TRIM44: variants seen among roughly 807,000 people sequenced by gnomAD.
TRIM44 encodes tripartite motif-containing protein 44.
In TRIM44, 13 loss-of-function variants were observed where a neutral mutation model predicts 37.4. That is an observed-to-expected ratio of 0.35 (90% confidence interval 0.23 to 0.55). The LOEUF (loss-of-function observed/expected upper bound fraction) is 0.55, where lower values mean the gene tolerates loss of function less well. TRIM44 is among the 20% of genes least tolerant of loss of function. The probability of loss-of-function intolerance (pLI) is 0.89; values close to 1 mark genes in which losing one functional copy is unlikely to be tolerated. For missense variants in TRIM44, 426 were observed against 437.2 expected, an observed-to-expected ratio of 0.97 and a Z score of 0.23; for synonymous variants, 175 against 157.2, an observed-to-expected ratio of 1.11 and a Z score of -0.85.
At chr11:35,790,109 C>T (rs902508500) in intron 4 of TRIM44, among the ~76,000 whole-genome samples, 2 of 152,060 alleles carry the variant, frequency 1.3e-5, no homozygotes, top group African/African-American at 4.8e-5. Context: ...TAGTCCTGAC[C>T]CTTTAAAGAT....
At position 35,788,340 on chromosome 11, in the gene TRIM44, G is replaced by T. The variant is rs533189560; in HGVS notation, c.1008-18018G>T. 3.3e-5 allele frequency among the ~76,000 whole-genome samples: 5 copies of T among 152,288 alleles called. No homozygotes were observed. The South Asian group carries it at 1.0e-3, about 32-fold the overall frequency. On this transcript the variant is annotated intron_variant, in intron 4 of 4. Coordinates refer to ENST00000299413, the MANE Select transcript of TRIM44 (RefSeq NM_017583.6). ...ACCATGATTGTGAAGGAGGAGTTTA[G>T]AACTGGAGCTGCCACAGAGATTCAA... is the stretch of plus-strand genomic sequence containing the variant.
At position 35,663,077 on chromosome 11, in the gene TRIM44, G is replaced by GGGCCCCGA; in HGVS notation, c.-30_-23dup. 1 of 1,486,088 alleles carries GGGCCCCGA rather than the reference G, an allele frequency of 6.7e-7. No individual in the cohort carries two copies. The highest frequency in any genetic ancestry group is 8.9e-7 in the Non-Finnish European group (1 of 1,126,202). The allele number at this position is 1,486,088 out of a possible 1,614,324, so 92.1% of individuals were successfully genotyped here. ...CGCGGAAGGAAGGCGGCGAGCCCCG[G>GGGCCCCGA]GGCCCCGAGGCCTTGGCCGCGTCAC... is the stretch of plus-strand genomic sequence containing the variant. On this transcript the variant is annotated 5_prime_UTR_variant, in exon 1 of 5. Transcript: ENST00000299413.
intron 2 of TRIM44, among the ~76,000 whole-genome samples, chr11:35,702,421 T>C (rs1287659359): frequency 2.0e-5 from 3 of 152,254 alleles, no homozygotes; most frequent in East Asian, 1.9e-4. Flanking sequence ...GGAAAAGGGC[T>C]GCCCTCCTGT....
intron 2 of TRIM44, among the ~76,000 whole-genome samples, chr11:35,702,444 G>T (rs1365855227): frequency 6.6e-6 from 1 of 152,210 alleles, no homozygotes; most frequent in African/African-American, 2.4e-5. Context: ...CTGCGATTAA[G>T]GATGCCTATG....
At chr11:35,699,708 C>T (rs527594906) in intron 2 of TRIM44, among the ~76,000 whole-genome samples, 64 of 151,042 alleles carry the variant, frequency 4.2e-4, no homozygotes, top group African/African-American at 1.4e-3. Flanking sequence ...AAAATGCCGT[C>T]GTCTCAGCCC....
In TRIM44 at chr11:35,725,960, G is replaced by A; in HGVS notation, c.784G>A (p.Glu262Lys). ...CCAAATGAAGATGTTTATACAGCAG[G>A]AATTTAAGAAAGTTCAGAAAGTGAT... The part of the protein sequence containing the change: ...RDQMKMFIQQ[E>K]FKKVQKVIAD... The change falls in exon 3 of 5, where the codon GAA becomes AAA. Residue 262 changes from glutamate (E) to lysine (K), a missense_variant. This residue lies in a region of TRIM44 where 95 missense variants were observed against 134.2 expected (regional missense o/e 0.71). Transcript: ENST00000299413. 1.9e-6 allele frequency: 3 copies of A among 1,614,040 alleles called. No homozygotes were observed. The highest frequency in any genetic ancestry group is 2.5e-6 in the Non-Finnish European group (3 of 1,179,978).
chr11:35,770,737 A>T (rs1162002744), intron 4 of TRIM44, among the ~76,000 whole-genome samples: 1 of 152,142 alleles, frequency 6.6e-6, no homozygotes, highest in East Asian at 1.9e-4. Context: ...CTTGAATTCT[A>T]TTCCCATAAT....
chr11:35,727,822 C>T (rs1443652661), intron 3 of TRIM44, among the ~76,000 whole-genome samples: 3 of 152,212 alleles, frequency 2.0e-5, no homozygotes, highest in Admixed American at 6.5e-5. Flanking sequence ...AGCATCCCAT[C>T]TGTATCTGTG....
chr11:35,702,193 G>A (rs1263925825), intron 2 of TRIM44, among the ~76,000 whole-genome samples: 1 of 152,174 alleles, frequency 6.6e-6, no homozygotes, highest in Non-Finnish European at 1.5e-5. Context: ...ACTTGCCCTT[G>A]GTTGGACCCT....
At chr11:35,703,373 A>T (rs1385565909) in intron 2 of TRIM44, among the ~76,000 whole-genome samples, 1 of 152,224 alleles carries the variant, frequency 6.6e-6, no homozygotes, top group Non-Finnish European at 1.5e-5. Flanking sequence ...TGCAGACTTA[A>T]ATATCCCTGT....
rs979550741 is a variant in TRIM44, at chr11:35,815,618, G to A, written c.*9233G>A. On this transcript the variant is annotated 3_prime_UTR_variant, in exon 5 of 5. Transcript: ENST00000299413. ...ATCAAATAAAGGCATTCCTCTGAGA[G>A]TATACCTAGCCCACTTGTGGCCAAA... 13 of 152,194 alleles carry A rather than the reference G, an allele frequency of 8.5e-5. No individual in the cohort carries two copies. The highest frequency in any genetic ancestry group is 3.1e-4 in the African/African-American group (13 of 41,454). The allele number at this position is 152,194 out of a possible 1,614,324, so 9.4% of individuals were successfully genotyped here. A position where few individuals can be genotyped will look rare whatever the true frequency, so the allele number is the denominator to read the frequency against.
intron 4 of TRIM44, among the ~76,000 whole-genome samples, chr11:35,747,493 G>A (rs1026274595): frequency 6.6e-6 from 1 of 152,272 alleles, no homozygotes; most frequent in Non-Finnish European, 1.5e-5. Flanking sequence ...TACTGCCTTT[G>A]TCAGAAGATG....
chr11:35,776,177 T>G (rs571549307), intron 4 of TRIM44, among the ~76,000 whole-genome samples: 1 of 151,472 alleles, frequency 6.6e-6, no homozygotes, highest in South Asian at 2.1e-4. Flanking sequence ...GGGATTCAAC[T>G]TCTAGTCTTG....
At chr11:35,675,209 T>A (rs1329371207) in intron 1 of TRIM44, among the ~76,000 whole-genome samples, 1 of 152,228 alleles carries the variant, frequency 6.6e-6, no homozygotes, top group Non-Finnish European at 1.5e-5. Context: ...AATAATCTTG[T>A]CTAGTTCCAG....
chr11:35,758,198 G>C (rs952360465), intron 4 of TRIM44, among the ~76,000 whole-genome samples: 2 of 152,096 alleles, frequency 1.3e-5, no homozygotes, highest in Non-Finnish European at 2.9e-5. Context: ...TTGGGTGCAC[G>C]TATATTTAGG....
At chr11:35,743,901 T>C (rs888531227) in intron 4 of TRIM44, among the ~76,000 whole-genome samples, 1 of 152,204 alleles carries the variant, frequency 6.6e-6, no homozygotes, top group East Asian at 1.9e-4. Flanking sequence ...CAAAAAATTG[T>C]CGTAATGTGC....
At position 35,813,633 on chromosome 11, in the gene TRIM44, T is replaced by G. The variant is rs534976134; in HGVS notation, c.*7248T>G. On this transcript the variant is annotated 3_prime_UTR_variant, in exon 5 of 5. Coordinates refer to ENST00000299413, the MANE Select transcript of TRIM44 (RefSeq NM_017583.6). ...GTGTCAAAAACAGTCTATACACATC[T>G]CAATCTTTAAGAGCCTCACTGTATC... 5 of 152,242 alleles carry G rather than the reference T, an allele frequency of 3.3e-5. No individual in the cohort carries two copies. The highest frequency in any genetic ancestry group is 9.6e-5 in the African/African-American group (4 of 41,550). The allele number at this position is 152,242 out of a possible 1,614,324, so 9.4% of individuals were successfully genotyped here. A position where few individuals can be genotyped will look rare whatever the true frequency, so the allele number is the denominator to read the frequency against.
chr11:35,778,793 A>C (rs970384974), intron 4 of TRIM44, among the ~76,000 whole-genome samples: 1 of 152,122 alleles, frequency 6.6e-6, no homozygotes, highest in Admixed American at 6.6e-5. Flanking sequence ...TTGCTGCCTG[A>C]TCCTTCCTTT....
chr11:35,790,822 G>A (rs1029981915), intron 4 of TRIM44, among the ~76,000 whole-genome samples: 4 of 152,208 alleles, frequency 2.6e-5, no homozygotes, highest in South Asian at 2.1e-4. Flanking sequence ...CTTCTTTTCC[G>A]TTTCCTAGGG....
Sources: gnomAD v4.1 joint callset for allele counts (sites outside exome capture counted in the v4.1 genomes callset) on GRCh38, gnomAD v4.1.1 for gene constraint, gnomAD v4.1.1 regional missense constraint, MANE v1.5 for transcripts, NCBI Gene and HGNC (gene_info 2026-07-23, HGNC 2026-07-21) for gene names.